Variants in DKK2 observed in about 807,000 individuals in gnomAD.
DKK2 encodes dickkopf Wnt signaling pathway inhibitor 2, also known as dickkopf-related protein 2.
Under a neutral mutation model 28.1 loss-of-function variants are expected in DKK2, and 11 were observed. The observed-to-expected ratio is 0.39, with a 90% CI of 0.25 to 0.65. DKK2 has a LOEUF of 0.65. DKK2 is among the 30% of genes least tolerant of loss of function. The pLI is 0.47. For missense variants in DKK2, 326 were observed against 335.5 expected (o/e 0.97, Z 0.22); for synonymous variants, 135 against 126.5 (o/e 1.07, Z -0.45).
intron 1 of DKK2, among the ~76,000 whole-genome samples, chr4:106,932,283 A>G (rs1212991760): frequency 6.6e-6 from 1 of 152,196 alleles, no homozygotes; most frequent in Non-Finnish European, 1.5e-5. Context: ...CTAGTGGTCC[A>G]TTAGCCTCTC....
Position 106,958,511 on chromosome 4 carries a change from G to A in DKK2, c.223-32562C>T, listed in dbSNP as rs112633416. Among the ~76,000 whole-genome samples, 943 of 152,120 alleles carry A rather than the reference G, an allele frequency of 6.2e-3. 10 individuals are homozygous for A. Among genetic ancestry groups the A allele is most frequent in the African/African-American group, 0.021 (873 of 41,502 alleles). ...TAAATTTATGGGGGCATGCCAAGCA[G>A]TATTTTTGAAGGATATAGTTAGTAA... On this transcript the variant is annotated intron_variant, in intron 1 of 3. Coordinates refer to ENST00000285311, the MANE Select transcript of DKK2 (RefSeq NM_014421.3).
At chr4:106,965,957 GGT>G (rs1407670609) in intron 1 of DKK2, among the ~76,000 whole-genome samples, 2 of 151,236 alleles carry the variant, frequency 1.3e-5, no homozygotes, top group Admixed American at 6.6e-5. Flanking sequence ...GGTATTCCAT[GGT>G]GTATATGTGC....
intron 1 of DKK2, among the ~76,000 whole-genome samples, chr4:106,934,619 T>C (rs1328485574): frequency 6.6e-6 from 1 of 152,172 alleles, no homozygotes; most frequent in Non-Finnish European, 1.5e-5. Context: ...TCATTTAATA[T>C]AGGAATTTCC....
chr4:106,979,346 A>G (rs1722993806), intron 1 of DKK2, among the ~76,000 whole-genome samples: 1 of 152,110 alleles, frequency 6.6e-6, no homozygotes, highest in African/African-American at 2.4e-5. Context: ...ATAAAACTCC[A>G]GGATTTGAAG....
At chr4:107,028,227 T>A (rs1370253019) in intron 1 of DKK2, among the ~76,000 whole-genome samples, 6 of 152,220 alleles carry the variant, frequency 3.9e-5, no homozygotes, top group Non-Finnish European at 8.8e-5. Context: ...TGCATGTTTA[T>A]TTTGTCTTGT....
At chr4:106,995,050 A>G (rs1253556637) in intron 1 of DKK2, among the ~76,000 whole-genome samples, 1 of 152,184 alleles carries the variant, frequency 6.6e-6, no homozygotes, top group African/African-American at 2.4e-5. Flanking sequence ...ACCACATATA[A>G]AACTTGAACT....
At chr4:107,014,816 T>TAC (rs1328265322) in intron 1 of DKK2, among the ~76,000 whole-genome samples, 19 of 150,210 alleles carry the variant, frequency 1.3e-4, no homozygotes, top group Admixed American at 2.7e-4. Flanking sequence ...AAATAGGTTC[T>TAC]ACACACACAC....
At chr4:106,925,768 A>G (rs904265280) in intron 2 of DKK2, 31 bp downstream of exon 2, 4 of 1,581,166 alleles carry the variant, frequency 2.5e-6, no homozygotes, top group Admixed American at 1.9e-5. Flanking sequence ...GAAAAGAAAG[A>G]GGCCCATTAA....
In DKK2 at chr4:106,923,178, T is replaced by C. The variant is rs1411714887; in HGVS notation, c.*776A>G. On this transcript the variant is annotated 3_prime_UTR_variant, in exon 4 of 4. Transcript: ENST00000285311. ...TAATGCATTCAGAGCAGGAATCACA[T>C]AGGATAAAGAGAGATATACTGTCAT... 1.3e-5 allele frequency: 2 copies of C among 152,142 alleles called. No homozygotes were observed. The highest frequency in any genetic ancestry group is 4.8e-5 in the African/African-American group (2 of 41,444). The allele number at this position is 152,142 out of a possible 1,614,324, so 9.4% of individuals were successfully genotyped here.
At chr4:106,973,448 ATC>A (rs764874505) in intron 1 of DKK2, among the ~76,000 whole-genome samples, 21 of 152,344 alleles carry the variant, frequency 1.4e-4, no homozygotes, top group Non-Finnish European at 2.6e-4. Context: ...GTGAGACAGT[ATC>A]TAATTTTGGC....
Position 107,035,979 on chromosome 4 carries a change from C to T in DKK2, c.-388G>A, listed in dbSNP as rs1009917733. On this transcript the variant is annotated 5_prime_UTR_variant, in exon 1 of 4. Coordinates refer to ENST00000285311, the MANE Select transcript of DKK2 (RefSeq NM_014421.3). ...CCGGGATCTCGGCGGTTTAACTCTC[C>T]TCTTAATTGATCAGGAGGCCCGCAT... 1 of 255,536 alleles carries T rather than the reference C, an allele frequency of 3.9e-6. No homozygotes were observed. The highest frequency in any genetic ancestry group is 7.6e-6 in the Non-Finnish European group (1 of 131,104). The allele number at this position is 255,536 out of a possible 1,614,324, so 15.8% of individuals were successfully genotyped here.
intron 1 of DKK2, among the ~76,000 whole-genome samples, chr4:106,972,183 T>C (rs564231384): frequency 2.6e-5 from 4 of 152,166 alleles, no homozygotes; most frequent in African/African-American, 9.6e-5. Context: ...GAGAATTATG[T>C]GCCATCTACC....
intron 1 of DKK2, among the ~76,000 whole-genome samples, chr4:106,955,517 T>C (rs2110348214): frequency 6.6e-6 from 1 of 152,156 alleles, no homozygotes; most frequent in South Asian, 2.1e-4. Context: ...ACATCAACAT[T>C]TCACCCATGA....
chr4:107,012,197 A>T (rs939576057), intron 1 of DKK2, among the ~76,000 whole-genome samples: 4 of 151,404 alleles, frequency 2.6e-5, no homozygotes, highest in South Asian at 2.1e-4. Flanking sequence ...TTAAACACAG[A>T]TTTTAAAGAA....
At chr4:107,032,702 A>G (rs1723893038) in intron 1 of DKK2, among the ~76,000 whole-genome samples, 1 of 152,132 alleles carries the variant, frequency 6.6e-6, no homozygotes, top group Non-Finnish European at 1.5e-5. Context: ...ATATTTCAAC[A>G]TCATCTGTCA....
chr4:106,990,693 C>G (rs1723190389), intron 1 of DKK2, among the ~76,000 whole-genome samples: 1 of 152,100 alleles, frequency 6.6e-6, no homozygotes, highest in Non-Finnish European at 1.5e-5. Flanking sequence ...GCACCTCTTA[C>G]AGTCCAGTCT....
At chr4:106,968,411 T>C (rs1372165754) in intron 1 of DKK2, among the ~76,000 whole-genome samples, 2 of 152,278 alleles carry the variant, frequency 1.3e-5, no homozygotes, top group East Asian at 3.9e-4. Context: ...ATGTAACCAG[T>C]TCTCACACAA....
chr4:106,971,276 A>G (rs1722864340), intron 1 of DKK2, among the ~76,000 whole-genome samples: 1 of 152,048 alleles, frequency 6.6e-6, no homozygotes, highest in Admixed American at 6.6e-5. Context: ...TGTGTTATGG[A>G]TTTTTCTGTC....
At chr4:106,982,433 G>A (rs1214780719) in intron 1 of DKK2, among the ~76,000 whole-genome samples, 1 of 152,110 alleles carries the variant, frequency 6.6e-6, no homozygotes, top group Non-Finnish European at 1.5e-5. Context: ...CAAACAGAAA[G>A]AAACTCTGGT....
Sources: gnomAD v4.1 joint callset for allele counts (sites outside exome capture counted in the v4.1 genomes callset) on GRCh38, gnomAD v4.1.1 for gene constraint, MANE v1.5 for transcripts, NCBI Gene and HGNC (gene_info 2026-07-23, HGNC 2026-07-21) for gene names.